The following NEK10 variants were observed in gnomAD, a reference collection of about 807,000 sequenced individuals.
The protein encoded by NEK10 is NIMA related kinase 10.
NEK10 carries 122 observed loss-of-function variants against 159.8 expected under a neutral mutation model. The ratio of observed to expected loss-of-function variants is 0.76; its 90% CI spans 0.66 to 0.89. NEK10 has a LOEUF of 0.89. NEK10 is among the 40% of genes least tolerant of loss of function. NEK10 has a pLI of 0.00. For missense variants in NEK10, 1,342 were observed against 1,323.1 expected, an observed-to-expected ratio of 1.01 and a Z score of -0.22; for synonymous variants, 466 against 457.1, an observed-to-expected ratio of 1.02 and a Z score of -0.25.
At position 27,106,528 on chromosome 3, in the gene NEK10, C is replaced by G. The variant is rs1385352531; in HGVS notation, c.*4744G>C. Reference sequence around the variant, plus strand: ...CTAAAATTTAATAGCCATTTACAAGCTTTATATTCTATTTCAGAATCTTGA... The same window carrying G: ...CTAAAATTTAATAGCCATTTACAAGGTTTATATTCTATTTCAGAATCTTGA... On this transcript the variant is annotated 3_prime_UTR_variant, in exon 36 of 36. Coordinates refer to ENST00000691995, the MANE Select transcript of NEK10 (RefSeq NM_001394966.1). Among the ~76,000 whole-genome samples, 1 of 152,168 alleles carries G rather than the reference C, an allele frequency of 6.6e-6. No individual in the cohort carries two copies. Among genetic ancestry groups the G allele is most frequent in the Non-Finnish European group, 1.5e-5 (1 of 68,018 alleles).
chr3:27,174,921 C>A (rs1439975090), intron 26 of NEK10, 88 bp from the exon 27 acceptor site: 3 of 1,062,908 alleles, frequency 2.8e-6, no homozygotes, highest in African/African-American at 3.2e-5. Context: ...ATATTAACTG[C>A]TTCAAATATC....
At chr3:27,215,104 A>C (rs1194643757) in intron 23 of NEK10, 1 of 458,198 alleles carries the variant, frequency 2.2e-6, no homozygotes, top group African/African-American at 2.0e-5. Flanking sequence ...TTTTCTTTAA[A>C]AGCATTACCC....
chr3:27,109,215 C>T lies in NEK10; in HGVS notation c.*2057G>A, dbSNP rs968698256. Among the ~76,000 whole-genome samples, 3 of 152,014 alleles carry T rather than the reference C, an allele frequency of 2.0e-5. No individual in the cohort carries two copies. Among genetic ancestry groups the T allele is most frequent in the Admixed American group, 6.6e-5 (1 of 15,254 alleles). On this transcript the variant is annotated 3_prime_UTR_variant, in exon 36 of 36. Coordinates refer to ENST00000691995, the MANE Select transcript of NEK10 (RefSeq NM_001394966.1). ...CCAACATGGTGTAACCCCATCTCTA[C>T]TAAAAACACAAAAATTAGCTGGGCA...
chr3:27,119,839 C>G lies in NEK10; in HGVS notation c.3111G>C (p.Glu1037Asp). 6.2e-7 allele frequency: 1 copy of G among 1,613,858 alleles called. No homozygotes were observed. Among genetic ancestry groups the G allele is most frequent in the Non-Finnish European group, 8.5e-7 (1 of 1,179,862 alleles). ...GGTAATCTGCTGTGAAAAAGTTGGG[C>G]TCAATCGGTTCTGGAGATCCCTGAG... ...KLSQGSPEPIEPNFFTADYHL... is the reference protein window; with the variant it reads ...KLSQGSPEPIDPNFFTADYHL... Residue 1037 changes from glutamate (E) to aspartate (D), a missense_variant, in exon 33 of 36, where the codon GAG becomes GAC. Glu to Asp is a conservative substitution (Grantham distance 45). Transcript: ENST00000691995.
At position 27,293,588 on chromosome 3, in the gene NEK10, CT is replaced by C; in HGVS notation, c.1372del (p.Arg458AspfsTer14). 1.3e-6 allele frequency: 2 copies of C among 1,509,702 alleles called. No homozygotes were observed. The highest frequency in any genetic ancestry group is 1.8e-6 in the Non-Finnish European group (2 of 1,090,546). 93.5% of individuals were successfully genotyped at this position (1,509,702 alleles called of 1,614,324 possible). The stretch of plus-strand genomic sequence containing the variant: ...CACTTATATTTCTCTAACCTCATAC[CT>C]TTTAAAGAGTGGTCTGTTTCTTTCC... The part of the protein sequence containing the change: ...SMERNRPLFK[R>X]LFPTDLFEIF... On this transcript the variant is annotated frameshift_variant and splice_region_variant, in exon 16 of 36. Coordinates refer to ENST00000691995, the MANE Select transcript of NEK10 (RefSeq NM_001394966.1). LOFTEE classifies it high-confidence loss of function.
At chr3:27,351,111 T>A (rs1024812671) in intron 3 of NEK10, among the ~76,000 whole-genome samples, 7 of 152,084 alleles carry the variant, frequency 4.6e-5, no homozygotes, top group African/African-American at 1.7e-4. Flanking sequence ...AAGACAGAGA[T>A]CACCTCTAGA....
At chr3:27,119,711 C>G (rs754748454) in intron 33 of NEK10, 49 bp downstream of exon 33, 1 of 1,380,390 alleles carries the variant, frequency 7.2e-7, no homozygotes, top group South Asian at 1.2e-5. Flanking sequence ...TTGATCCAAA[C>G]AATATATTTC....
intron 2 of NEK10, 65 bp from the exon 3 acceptor site, chr3:27,352,590 C>A: frequency 8.4e-7 from 1 of 1,187,486 alleles, no homozygotes; most frequent in South Asian, 1.2e-5. Context: ...TCGTGTTACC[C>A]ACTGATGGCA....
chr3:27,196,339 G>C (rs1449154217), intron 25 of NEK10, among the ~76,000 whole-genome samples: 1 of 152,176 alleles, frequency 6.6e-6, no homozygotes, highest in Non-Finnish European at 1.5e-5. Flanking sequence ...AGGGAGCTCA[G>C]TTTTTGGAGA....
intron 26 of NEK10, among the ~76,000 whole-genome samples, 176 bp from the exon 27 acceptor site, chr3:27,175,009 T>C (rs1165516255): frequency 1.3e-5 from 2 of 152,212 alleles, no homozygotes; most frequent in African/African-American, 2.4e-5. Context: ...AGTCCATAAA[T>C]ACAAAAAGAT....
intron 1 of NEK10, among the ~76,000 whole-genome samples, chr3:27,363,502 A>G (rs1559566488): frequency 1.3e-5 from 2 of 152,244 alleles, no homozygotes; most frequent in Non-Finnish European, 2.9e-5. Flanking sequence ...CTCCAAATAT[A>G]ACTGGAATAT....
chr3:27,165,554 T>G (rs2148831530), intron 29 of NEK10, among the ~76,000 whole-genome samples: 1 of 152,330 alleles, frequency 6.6e-6, no homozygotes, highest in East Asian at 1.9e-4. Context: ...GTTTGTGTTC[T>G]CTGAAAATTT....
intron 1 of NEK10, among the ~76,000 whole-genome samples, chr3:27,365,620 T>TTTTG (rs2049021697): frequency 2.4e-5 from 3 of 125,456 alleles, no homozygotes; most frequent in African/African-American, 3.7e-5. Flanking sequence ...GTTTTTTTTT[T>TTTTG]TTTTTTTTTT....
At chr3:27,286,346 A>G in intron 20 of NEK10, among the ~76,000 whole-genome samples, 1 of 150,902 alleles carries the variant, frequency 6.6e-6, no homozygotes, top group South Asian at 2.1e-4. Context: ...TCAGCCTCCC[A>G]AAGTGGTGGG....
chr3:27,151,479 C>T (rs1490980640), intron 30 of NEK10, among the ~76,000 whole-genome samples: 1 of 152,154 alleles, frequency 6.6e-6, no homozygotes, highest in African/African-American at 2.4e-5. Context: ...CAAGGGAACA[C>T]CCCATGGGAC....
rs749218564 is a variant in NEK10 at position 27,310,966 on chromosome 3, T to A, written c.619A>T (p.Thr207Ser). 6.2e-7 allele frequency: 1 copy of A among 1,609,940 alleles called. No homozygotes were observed. Among genetic ancestry groups the A allele is most frequent in the South Asian group, 1.1e-5 (1 of 90,942 alleles). Reference protein sequence around the residue: ...AVKDQREWVTTSGAHKTLVNL... With the variant: ...AVKDQREWVTSSGAHKTLVNL... ...CCACTCACCTTGTGGGCTCCACTTG[T>A]GGTGACCCATTCTCTTTGATCTTTG... The change falls in exon 9 of 36, where the codon ACA (threonine) becomes TCA (serine). Residue 207 changes from threonine to serine, a missense_variant. By Grantham distance (58) the Thr-to-Ser change is moderately conservative. Transcript: ENST00000691995.
At chr3:27,275,938 T>A (rs374670550) in intron 22 of NEK10, among the ~76,000 whole-genome samples, 6 of 152,236 alleles carry the variant, frequency 3.9e-5, no homozygotes, top group Middle Eastern at 3.4e-3. Context: ...AAGATGACAG[T>A]GGGAACTGCT....
chr3:27,353,044 T>A (rs1474340702), intron 1 of NEK10, 125 bp from the exon 2 acceptor site: 1 of 594,502 alleles, frequency 1.7e-6, no homozygotes, highest in Non-Finnish European at 3.0e-6. Context: ...TTAGTTCTAA[T>A]ACAATAATAA....
chr3:27,137,354 T>C (rs1478783660), intron 31 of NEK10, among the ~76,000 whole-genome samples: 2 of 152,218 alleles, frequency 1.3e-5, no homozygotes, highest in African/African-American at 2.4e-5. Flanking sequence ...GAAAATGGTA[T>C]ACATTATAAA....
Sources: allele counts gnomAD v4.1 joint callset (sites outside exome capture counted in the v4.1 genomes callset), GRCh38; gene constraint gnomAD v4.1.1; transcripts MANE v1.5; gene names NCBI Gene and HGNC (gene_info 2026-07-23, HGNC 2026-07-21).